Variants in CD8B observed in about 807,000 individuals in gnomAD.
The protein encoded by CD8B is CD8 subunit beta.
CD8B carries 6 observed loss-of-function variants against 24.2 expected under a neutral mutation model. The observed-to-expected ratio is 0.25, with a 90% CI of 0.14 to 0.49. The LOEUF is 0.49. Among genes scored for constraint, CD8B ranks in the 20% least tolerant of loss-of-function variants. CD8B has a pLI of 0.98. For missense variants in CD8B, 196 were observed against 271.3 expected, an observed-to-expected ratio of 0.72 and a Z score of 1.95; for synonymous variants, 84 against 108.3, an observed-to-expected ratio of 0.78 and a Z score of 1.39.
chr2:86,817,771 G>C (rs1336640195), intron 5 of CD8B, among the ~76,000 whole-genome samples: 1 of 152,130 alleles, frequency 6.6e-6, no homozygotes, highest in African/African-American at 2.4e-5. Flanking sequence ...TTTGGCAAAA[G>C]TTAAATTTGC....
chr2:86,830,902 AT>A (rs1233520350), intron 5 of CD8B, among the ~76,000 whole-genome samples: 1 of 152,032 alleles, frequency 6.6e-6, no homozygotes, highest in Non-Finnish European at 1.5e-5. Context: ...ATTTTATTAG[AT>A]TTTGTTATTA....
intron 2 of CD8B, among the ~76,000 whole-genome samples, chr2:86,856,504 G>C (rs1676267861): frequency 6.6e-6 from 1 of 152,150 alleles, no homozygotes; most frequent in Non-Finnish European, 1.5e-5. Flanking sequence ...AGGTGGCGGG[G>C]CATCACTTTG....
intron 3 of CD8B, among the ~76,000 whole-genome samples, chr2:86,852,512 A>G (rs892879378): frequency 2.0e-5 from 3 of 151,910 alleles, no homozygotes; most frequent in African/African-American, 7.3e-5. Flanking sequence ...CCCCAGCCTT[A>G]GGCAGCAACC....
chr2:86,852,950 G>A, intron 3 of CD8B, 47 bp downstream of exon 3: 1 of 1,328,946 alleles, frequency 7.5e-7, no homozygotes, highest in South Asian at 1.3e-5. Context: ...GGAGGGCAAG[G>A]GGATGTCTGC....
chr2:86,823,367 C>T (rs1674554043), intron 5 of CD8B, among the ~76,000 whole-genome samples: 1 of 152,092 alleles, frequency 6.6e-6, no homozygotes. Context: ...GTAGCCTTCA[C>T]CTCGTGGGCT....
chr2:86,825,305 C>A (rs1222057560), intron 5 of CD8B, among the ~76,000 whole-genome samples: 2 of 152,154 alleles, frequency 1.3e-5, no homozygotes, highest in East Asian at 1.9e-4. Flanking sequence ...CTGACTCCCC[C>A]CTACTGGGGG....
intron 5 of CD8B, among the ~76,000 whole-genome samples, chr2:86,816,739 A>T (rs1384059334): frequency 6.6e-6 from 1 of 152,244 alleles, no homozygotes; most frequent in Admixed American, 6.5e-5. Context: ...ATAAATATGA[A>T]AAGCAAAGTT....
chr2:86,820,599 T>C (rs527528063), intron 5 of CD8B, among the ~76,000 whole-genome samples: 18 of 152,334 alleles, frequency 1.2e-4, no homozygotes, highest in South Asian at 8.3e-4. Flanking sequence ...TAAACATAAC[T>C]TTTATGTACA....
At chr2:86,817,238 T>A (rs1674287866) in intron 5 of CD8B, among the ~76,000 whole-genome samples, 1 of 152,236 alleles carries the variant, frequency 6.6e-6, no homozygotes, top group Admixed American at 6.5e-5. Flanking sequence ...GGAGATAATT[T>A]GGGATATCTA....
chr2:86,820,216 A>G (rs1165821455), intron 5 of CD8B, among the ~76,000 whole-genome samples: 3 of 152,258 alleles, frequency 2.0e-5, no homozygotes. Context: ...TAGTTGAGAA[A>G]GAGGCGTCAG....
intron 5 of CD8B, among the ~76,000 whole-genome samples, chr2:86,830,657 CA>C (rs1044729365): frequency 4.7e-5 from 7 of 149,698 alleles, no homozygotes; most frequent in East Asian, 2.0e-4. Flanking sequence ...ATTGCTGGTT[CA>C]AAAAAAAATA....
chr2:86,833,502 C>CCCTCCGCTCTCCTCCCCTCA, downstream of CD8B, among the ~76,000 whole-genome samples: 1 of 138,248 alleles, frequency 7.2e-6, no homozygotes, highest in East Asian at 2.3e-4. Flanking sequence ...TCCTCCCCTC[C>CCCTCCGCTCTCCTCCCCTCA]CCTCCGCTCT....
intron 5 of CD8B, chr2:86,822,428 G>T: frequency 9.0e-7 from 1 of 1,109,092 alleles, no homozygotes. Context: ...CAATGGAAAT[G>T]TTCAGAAATA....
In CD8B at chr2:86,850,228, C is replaced by T. The variant is rs188094453; in HGVS notation, c.493+2769G>A. On this transcript the variant is annotated intron_variant, in intron 3 of 5. Coordinates refer to ENST00000390655, the MANE Select transcript of CD8B (RefSeq NM_004931.5). ...TGGGTAAGGGGCCATTTGCCAGAGC[C>T]ACACCAACGACACCCCCAGCCCAGC... 1.1e-4 allele frequency among the ~76,000 whole-genome samples: 17 copies of T among 152,226 alleles called. No homozygotes were observed. The East Asian group carries it at 2.3e-3, about 21-fold the overall frequency.
chr2:86,852,393 A>G (rs1460823183), intron 3 of CD8B, among the ~76,000 whole-genome samples: 2 of 152,146 alleles, frequency 1.3e-5, no homozygotes, highest in African/African-American at 2.4e-5. Flanking sequence ...TTTTTAGTGT[A>G]TTCATGGAGT....
rs1676050433 is a variant in CD8B at position 86,852,991 on chromosome 2, A to G, written c.493+6T>C. 6.6e-7 allele frequency: 1 copy of G among 1,520,120 alleles called. No individual in the cohort carries two copies. Among genetic ancestry groups the G allele is most frequent in the Non-Finnish European group, 8.9e-7 (1 of 1,128,546 alleles). 94.2% of individuals were successfully genotyped at this position (1,520,120 alleles called of 1,614,324 possible). On this transcript the variant is annotated splice_donor_region_variant and intron_variant, in intron 3 of 5. Transcript: ENST00000390655. ...TTCTGAGGGTGCAGAGGGATAGGGA[A>G]CTCACCCTTCTGGGTCTCTGGCCTG...
chr2:86,828,307 TGTG>T (rs1246356892), intron 5 of CD8B, among the ~76,000 whole-genome samples: 2 of 110,342 alleles, frequency 1.8e-5, no homozygotes, highest in African/African-American at 4.3e-5. Context: ...TAACTGGAAT[TGTG>T]TGTGTGTGTG....
chr2:86,821,726 C>A, intron 5 of CD8B: 1 of 442,504 alleles, frequency 2.3e-6, no homozygotes, highest in Non-Finnish European at 4.6e-6. Flanking sequence ...CTTCGGAACC[C>A]TCCGAAAATC....
chr2:86,840,336 T>A lies in CD8B; in HGVS notation c.*1971A>T, dbSNP rs1675362433. 6.6e-6 allele frequency among the ~76,000 whole-genome samples: 1 copy of A among 152,106 alleles called. No individual in the cohort carries two copies. Among genetic ancestry groups the A allele is most frequent in the African/African-American group, 2.4e-5 (1 of 41,406 alleles). ...GCAGGGCATCTAAGGCCAATTAACA[T>A]ACACCAAAAGGAAAAACCCCATCTC... is the stretch of plus-strand genomic sequence containing the variant. On this transcript the variant is annotated 3_prime_UTR_variant, in exon 6 of 6. Transcript: ENST00000390655.
Sources: allele counts gnomAD v4.1 joint callset (sites outside exome capture counted in the v4.1 genomes callset), GRCh38; gene constraint gnomAD v4.1.1; transcripts MANE v1.5; gene names NCBI Gene and HGNC (gene_info 2026-07-23, HGNC 2026-07-21).